PARP8: variants seen among roughly 807,000 people sequenced by gnomAD.
The protein encoded by PARP8 is poly(ADP-ribose) polymerase family member 8.
PARP8 carries 51 observed loss-of-function variants against 124.1 expected under a neutral mutation model. The observed-to-expected ratio is 0.41, with a 90% CI of 0.33 to 0.52. PARP8 has a LOEUF of 0.52. Ranked by LOEUF, PARP8 falls within the 20% of genes least tolerant of loss-of-function variation. The pLI, the probability that PARP8 is intolerant of heterozygous loss-of-function variation, is 0.21. For synonymous variants in PARP8, 391 were observed against 361.5 expected (o/e 1.08, Z -0.93); for missense variants, 860 against 1,018.9 (o/e 0.84, Z 2.12).
At chr5:50,813,899 C>T (rs1458373464) in intron 14 of PARP8, among the ~76,000 whole-genome samples, 1 of 152,036 alleles carries the variant, frequency 6.6e-6, no homozygotes, top group Non-Finnish European at 1.5e-5. Flanking sequence ...GTTCAAGGTT[C>T]AGATAAAAAC....
chr5:50,671,981 T>A (rs773825552), intron 2 of PARP8, among the ~76,000 whole-genome samples: 1 of 152,182 alleles, frequency 6.6e-6, no homozygotes, highest in Non-Finnish European at 1.5e-5. Context: ...TCCGTCTAGA[T>A]AAATAGCACG....
At chr5:50,797,100 A>AGC (rs773310023) in intron 13 of PARP8, 38 bp from the exon 14 acceptor site, 8 of 1,608,256 alleles carry the variant, frequency 5.0e-6, no homozygotes. Flanking sequence ...ATCATTTATG[A>AGC]GCTTGTCTTA....
At chr5:50,759,595 AT>A in intron 3 of PARP8, 47 bp from the exon 4 acceptor site, 2 of 1,473,622 alleles carry the variant, frequency 1.4e-6, no homozygotes, top group Non-Finnish European at 1.8e-6. Context: ...TAAAGGATGT[AT>A]TTTTTAAACT....
At chr5:50,759,882 C>A (rs942682886) in intron 4 of PARP8, 150 bp downstream of exon 4, 2 of 1,002,274 alleles carry the variant, frequency 2.0e-6, no homozygotes, top group Non-Finnish European at 2.7e-6. Context: ...ATCTAAAGTA[C>A]ATTTTTTAAC....
At position 50,769,421 on chromosome 5, in the gene PARP8, A is replaced by G. The variant is rs556271521; in HGVS notation, c.518+6179A>G. 4.6e-5 allele frequency among the ~76,000 whole-genome samples: 7 copies of G among 152,190 alleles called. No homozygotes were observed. In the South Asian group the frequency reaches 1.5e-3, roughly 32 times the overall value. On this transcript the variant is annotated intron_variant, in intron 7 of 25. Coordinates refer to ENST00000281631, the MANE Select transcript of PARP8 (RefSeq NM_024615.4). ...AAATGTCTGATGATGATGAGAATGT[A>G]GGAAAAGGTCATTGTGATAACCTGG...
intron 14 of PARP8, among the ~76,000 whole-genome samples, chr5:50,807,993 G>A (rs1364267789): frequency 2.0e-5 from 3 of 151,962 alleles, no homozygotes; most frequent in Admixed American, 1.3e-4. Context: ...AGCCAACTGA[G>A]AAACCTGAGA....
At chr5:50,721,839 T>C (rs962633998) in intron 2 of PARP8, among the ~76,000 whole-genome samples, 2 of 152,156 alleles carry the variant, frequency 1.3e-5, no homozygotes, top group African/African-American at 4.8e-5. Flanking sequence ...CAAAACTTAA[T>C]GATTAAAAAA....
chr5:50,667,342 G>T (rs1749412756), intron 1 of PARP8, among the ~76,000 whole-genome samples, 156 bp downstream of exon 1: 1 of 152,196 alleles, frequency 6.6e-6, no homozygotes, highest in Non-Finnish European at 1.5e-5. Flanking sequence ...AGCCAAAAGG[G>T]GGAGGGGGCG....
chr5:50,770,751 A>C (rs931224771), intron 7 of PARP8, among the ~76,000 whole-genome samples: 1 of 152,080 alleles, frequency 6.6e-6, no homozygotes, highest in Non-Finnish European at 1.5e-5. Flanking sequence ...AAGAAAAGAA[A>C]AGATGGATGC....
intron 8 of PARP8, 53 bp from the exon 9 acceptor site, chr5:50,778,507 T>C: frequency 3.5e-6 from 5 of 1,448,374 alleles, no homozygotes; most frequent in Non-Finnish European, 4.7e-6. Flanking sequence ...GTTTTTTTTT[T>C]CATTTTGAAC....
At chr5:50,705,909 G>A (rs1394483298) in intron 2 of PARP8, among the ~76,000 whole-genome samples, 2 of 152,180 alleles carry the variant, frequency 1.3e-5, no homozygotes, top group African/African-American at 4.8e-5. Context: ...TCTCCATATG[G>A]AGGGTCAGTT....
chr5:50,788,672 A>T (rs1561381816), intron 10 of PARP8, 83 bp downstream of exon 10: 6 of 1,083,196 alleles, frequency 5.5e-6, no homozygotes, highest in Non-Finnish European at 7.7e-6. Context: ...AACAAACAAA[A>T]ACCTATTCAG....
intron 12 of PARP8, 130 bp from the exon 13 acceptor site, chr5:50,796,852 G>A (rs879658591): frequency 3.9e-6 from 3 of 764,696 alleles, no homozygotes; most frequent in South Asian, 4.7e-5. Context: ...GATGTCATCA[G>A]TGACTCAATT....
At chr5:50,798,881 G>A (rs1292390117) in intron 14 of PARP8, among the ~76,000 whole-genome samples, 2 of 152,182 alleles carry the variant, frequency 1.3e-5, no homozygotes, top group African/African-American at 4.8e-5. Flanking sequence ...TTGGAGAAAT[G>A]CCTATTTAAA....
At chr5:50,732,335 T>C (rs544720504) in intron 2 of PARP8, among the ~76,000 whole-genome samples, 3 of 152,338 alleles carry the variant, frequency 2.0e-5, no homozygotes, top group African/African-American at 7.2e-5. Flanking sequence ...GATAGTATTA[T>C]CTGTAGAAAT....
At chr5:50,790,229 G>A (rs1344218313) in intron 10 of PARP8, among the ~76,000 whole-genome samples, 1 of 152,122 alleles carries the variant, frequency 6.6e-6, no homozygotes, top group African/African-American at 2.4e-5. Flanking sequence ...TATGTGTTTA[G>A]CATATTATAT....
chr5:50,688,208 G>C (rs1296353558), intron 2 of PARP8, among the ~76,000 whole-genome samples: 2 of 152,166 alleles, frequency 1.3e-5, no homozygotes, highest in African/African-American at 4.8e-5. Context: ...ACCAGAGAGA[G>C]TTTTTCTATT....
At chr5:50,700,022 CTAAA>C (rs1282772710) in intron 2 of PARP8, among the ~76,000 whole-genome samples, 1 of 152,116 alleles carries the variant, frequency 6.6e-6, no homozygotes, top group Non-Finnish European at 1.5e-5. Flanking sequence ...GTAAACTAGA[CTAAA>C]TAGTCATCCA....
At chr5:50,827,149 C>T (rs540681691) in intron 19 of PARP8, among the ~76,000 whole-genome samples, 1 of 152,134 alleles carries the variant, frequency 6.6e-6, no homozygotes, top group East Asian at 1.9e-4. Context: ...GGCACATTTC[C>T]ACTTTTCTAC....
Sources: allele counts gnomAD v4.1 joint callset (sites outside exome capture counted in the v4.1 genomes callset), GRCh38; gene constraint gnomAD v4.1.1; transcripts MANE v1.5; gene names NCBI Gene and HGNC (gene_info 2026-07-23, HGNC 2026-07-21).